The following VRK2 variants were observed in gnomAD, a reference collection of about 807,000 sequenced individuals.
The protein encoded by VRK2 is VRK serine/threonine kinase 2.
Under a neutral mutation model 57.6 loss-of-function variants are expected in VRK2, and 60 were observed. That is an observed-to-expected ratio of 1.04 (90% CI 0.85 to 1.29). VRK2 has a LOEUF of 1.29. VRK2 is among the 50% of genes most tolerant of loss of function. The probability of loss-of-function intolerance (pLI) is 0.00; values close to 1 mark genes in which losing one functional copy is unlikely to be tolerated. For missense variants in VRK2, 705 were observed against 588.1 expected (o/e 1.20, Z -2.06); for synonymous variants, 231 against 199.2 (o/e 1.16, Z -1.35).
At chr2:58,004,196 C>G (rs1009966512) in intron 1 of VRK2, among the ~76,000 whole-genome samples, 1 of 152,072 alleles carries the variant, frequency 6.6e-6, no homozygotes, top group African/African-American at 2.4e-5. Flanking sequence ...AGCACACACA[C>G]ACAAACACAC....
At chr2:58,148,579 C>A (rs1046992857) in intron 12 of VRK2, among the ~76,000 whole-genome samples, 1 of 151,506 alleles carries the variant, frequency 6.6e-6, no homozygotes, top group African/African-American at 2.4e-5. Flanking sequence ...TGTAAAGATA[C>A]CTAAGAAACC....
intron 1 of VRK2, among the ~76,000 whole-genome samples, chr2:58,001,120 T>TA (rs1192170900): frequency 1.3e-5 from 2 of 152,176 alleles, no homozygotes; most frequent in Admixed American, 1.3e-4. Context: ...GCAGATGGAA[T>TA]AAAAAAAGAA....
chr2:58,089,534 A>G (rs1238667267), intron 6 of VRK2, 97 bp from the exon 7 acceptor site: 1 of 638,944 alleles, frequency 1.6e-6, no homozygotes, highest in Admixed American at 3.3e-5. Flanking sequence ...GTCAATGTTA[A>G]TATGAAAAAA....
chr2:58,057,850 T>C (rs181786840), intron 2 of VRK2, among the ~76,000 whole-genome samples: 2 of 152,248 alleles, frequency 1.3e-5, no homozygotes, highest in Non-Finnish European at 2.9e-5. Context: ...GTACATTTTT[T>C]TTTTGTATCA....
At chr2:58,003,850 T>G (rs1181394723) in intron 1 of VRK2, among the ~76,000 whole-genome samples, 1 of 152,178 alleles carries the variant, frequency 6.6e-6, no homozygotes, top group Non-Finnish European at 1.5e-5. Context: ...TTTACAAAAT[T>G]TTAACTTTCT....
intron 3 of VRK2, among the ~76,000 whole-genome samples, chr2:58,038,449 C>A (rs1271971065): frequency 6.6e-6 from 1 of 152,100 alleles, no homozygotes; most frequent in Non-Finnish European, 1.5e-5. Flanking sequence ...TTTCCGGCCT[C>A]CTCCTTTCTG....
chr2:58,073,332 G>A (rs895194055), intron 2 of VRK2, among the ~76,000 whole-genome samples: 2 of 151,922 alleles, frequency 1.3e-5, no homozygotes, highest in African/African-American at 2.4e-5. Flanking sequence ...ATTGATTGGT[G>A]GTGCTGTCAG....
At chr2:57,978,897 G>A (rs1389556382) in intron 1 of VRK2, among the ~76,000 whole-genome samples, 1 of 150,814 alleles carries the variant, frequency 6.6e-6, no homozygotes, top group East Asian at 1.9e-4. Context: ...GTTAGAACAG[G>A]AGGTGTTTGG....
intron 1 of VRK2, among the ~76,000 whole-genome samples, chr2:57,924,987 A>G (rs1390618248): frequency 1.3e-5 from 2 of 151,802 alleles, no homozygotes; most frequent in Non-Finnish European, 2.9e-5. Flanking sequence ...TTTGTTCTTC[A>G]TTCTGTTGAT....
chr2:57,954,273 T>C (rs903228322), intron 1 of VRK2, among the ~76,000 whole-genome samples: 1 of 152,152 alleles, frequency 6.6e-6, no homozygotes, highest in Admixed American at 6.6e-5. Flanking sequence ...AAGTAATCCA[T>C]ATGACCTCAT....
At chr2:58,121,263 A>C (rs970824619) in intron 7 of VRK2, among the ~76,000 whole-genome samples, 1 of 152,246 alleles carries the variant, frequency 6.6e-6, no homozygotes, top group Non-Finnish European at 1.5e-5. Flanking sequence ...GTGAGTACAT[A>C]AAACAGCTTC....
intron 1 of VRK2, among the ~76,000 whole-genome samples, chr2:57,960,023 A>G (rs1451445948): frequency 8.4e-6 from 1 of 118,570 alleles, no homozygotes; most frequent in Non-Finnish European, 1.6e-5. Context: ...GTGTGTGTGA[A>G]TTAGATGTGT....
chr2:58,011,740 T>A (rs1290560107), intron 1 of VRK2, among the ~76,000 whole-genome samples: 3 of 152,222 alleles, frequency 2.0e-5, no homozygotes, highest in Admixed American at 2.0e-4. Flanking sequence ...CAAAAACAGT[T>A]CCATAAAATG....
intron 7 of VRK2, among the ~76,000 whole-genome samples, chr2:58,104,651 T>A (rs961726805): frequency 6.6e-6 from 1 of 151,818 alleles, no homozygotes; most frequent in African/African-American, 2.4e-5. Flanking sequence ...ATCTGCAGAT[T>A]CAGTGCAATC....
chr2:58,019,050 T>G (rs1264718351), intron 1 of VRK2, among the ~76,000 whole-genome samples: 1 of 152,246 alleles, frequency 6.6e-6, no homozygotes, highest in Non-Finnish European at 1.5e-5. Flanking sequence ...CATTTTTAAA[T>G]GCTTTTCTTA....
chr2:58,080,139 TAAA>T (rs1670651751), intron 2 of VRK2, among the ~76,000 whole-genome samples: 1 of 151,992 alleles, frequency 6.6e-6, no homozygotes, highest in African/African-American at 2.4e-5. Flanking sequence ...AGACAAGTAA[TAAA>T]AACACATTTT....
At chr2:58,080,731 C>T (rs1438353960) in intron 2 of VRK2, among the ~76,000 whole-genome samples, 1 of 151,720 alleles carries the variant, frequency 6.6e-6, no homozygotes, top group Non-Finnish European at 1.5e-5. Context: ...TGTTCCTCTG[C>T]ATCACTAGAT....
chr2:58,039,818 A>T (rs1674389374), intron 3 of VRK2, among the ~76,000 whole-genome samples: 1 of 152,068 alleles, frequency 6.6e-6, no homozygotes, highest in Non-Finnish European at 1.5e-5. Flanking sequence ...ATTTTTAAAA[A>T]TTTTTTATGG....
intron 2 of VRK2, among the ~76,000 whole-genome samples, chr2:58,030,452 C>A (rs1355971151): frequency 6.6e-6 from 1 of 151,970 alleles, no homozygotes; most frequent in Non-Finnish European, 1.5e-5. Context: ...TTTAAATAAT[C>A]TAAAATGTCT....
Sources: gnomAD v4.1 joint callset for allele counts (sites outside exome capture counted in the v4.1 genomes callset) on GRCh38, gnomAD v4.1.1 for gene constraint, MANE v1.5 for transcripts, NCBI Gene and HGNC (gene_info 2026-07-23, HGNC 2026-07-21) for gene names.